FHOD3: variants seen among roughly 807,000 people sequenced by gnomAD.
FHOD3 encodes the protein FH1/FH2 domain-containing protein 3.
In FHOD3, 90 loss-of-function variants were observed where a neutral mutation model predicts 173.0. That is an observed-to-expected ratio of 0.52 (90% CI 0.44 to 0.62). The LOEUF (loss-of-function observed/expected upper bound fraction) is 0.62. Ranked by LOEUF, FHOD3 falls within the 20% of genes least tolerant of loss-of-function variation. The probability of loss-of-function intolerance (pLI) is 0.00; values close to 1 mark genes in which losing one functional copy is unlikely to be tolerated. For missense variants in FHOD3, 1,945 were observed against 2,034.7 expected (o/e 0.96, Z 0.85); for synonymous variants, 828 against 823.0 (o/e 1.01, Z -0.10).
At chr18:36,405,600 G>C (rs1451073833) in intron 3 of FHOD3, among the ~76,000 whole-genome samples, 1 of 152,102 alleles carries the variant, frequency 6.6e-6, no homozygotes, top group Non-Finnish European at 1.5e-5. Context: ...GGTGGAAATA[G>C]GATAACAACA....
chr18:36,712,869 G>T (rs930924241), intron 18 of FHOD3, among the ~76,000 whole-genome samples: 1 of 151,218 alleles, frequency 6.6e-6, no homozygotes, highest in African/African-American at 2.4e-5. Context: ...TTTTGTAAGA[G>T]GCTAGAAAGA....
chr18:36,497,329 A>G lies in FHOD3; in HGVS notation c.338-4603A>G, dbSNP rs1423822196. On this transcript the variant is annotated intron_variant, in intron 3 of 28. Coordinates refer to ENST00000590592, the MANE Select transcript of FHOD3 (RefSeq NM_001281740.3). The stretch of plus-strand genomic sequence containing the variant: ...CATTTGTAGAAGGATGCTGTTTATC[A>G]AAGAGTTTGAGATGGCGTCAGAACC... Among the ~76,000 whole-genome samples the G allele has an allele frequency of 2.6e-5, 4 of 152,226 alleles. No individual in the cohort carries two copies. In the East Asian group the frequency reaches 7.7e-4, roughly 29 times the overall value.
chr18:36,759,152 T>A lies in FHOD3; in HGVS notation c.4449+11T>A, dbSNP rs1161123753. On this transcript the variant is annotated intron_variant, in intron 26 of 28. Coordinates refer to ENST00000590592, the MANE Select transcript of FHOD3 (RefSeq NM_001281740.3). ...GAGGAGGAAGTTGAGGTATGACCAT[T>A]TATGAACATGAAGAATGCCACATTT... 10 of 1,535,654 alleles carry A rather than the reference T, an allele frequency of 6.5e-6. No individual in the cohort carries two copies. Among genetic ancestry groups the A allele is most frequent in the Non-Finnish European group, 8.7e-6 (10 of 1,146,644 alleles).
At chr18:36,774,137 A>G (rs2043520782) in intron 28 of FHOD3, among the ~76,000 whole-genome samples, 1 of 152,204 alleles carries the variant, frequency 6.6e-6, no homozygotes, top group Non-Finnish European at 1.5e-5. Context: ...CACCTCCAAC[A>G]TGACTCATAG....
intron 3 of FHOD3, among the ~76,000 whole-genome samples, chr18:36,453,860 A>T (rs1006999313): frequency 2.6e-5 from 4 of 152,120 alleles, no homozygotes; most frequent in Admixed American, 2.0e-4. Context: ...AAGAGATGGG[A>T]TTGGAAATGT....
In FHOD3 at chr18:36,311,130, G is replaced by A. The variant is rs73949422; in HGVS notation, c.165+13130G>A. On this transcript the variant is annotated intron_variant, in intron 1 of 28. Coordinates refer to ENST00000590592, the MANE Select transcript of FHOD3 (RefSeq NM_001281740.3). ...CAAAGAAGAAAGGAGATGGATGGAT[G>A]GGGAGTCACTGAAAGGCCACCTGTG... Among the ~76,000 whole-genome samples, 586 of 152,280 alleles carry A rather than the reference G, an allele frequency of 3.8e-3. 4 individuals are homozygous for A. Among genetic ancestry groups the A allele is most frequent in the African/African-American group, 0.014 (569 of 41,548 alleles).
intron 24 of FHOD3, among the ~76,000 whole-genome samples, 196 bp downstream of exon 24, chr18:36,747,331 A>C (rs1175133755): frequency 6.6e-6 from 1 of 152,212 alleles, no homozygotes; most frequent in African/African-American, 2.4e-5. Flanking sequence ...AATGCCATCA[A>C]ACCTCAAAGT....
At chr18:36,556,686 A>C (rs994503825) in intron 5 of FHOD3, among the ~76,000 whole-genome samples, 3 of 152,204 alleles carry the variant, frequency 2.0e-5, no homozygotes, top group Admixed American at 6.5e-5. Flanking sequence ...TTTCTGTTTA[A>C]GTAGCCAGCG....
At chr18:36,666,471 G>C (rs963623125) in intron 14 of FHOD3, among the ~76,000 whole-genome samples, 1 of 152,196 alleles carries the variant, frequency 6.6e-6, no homozygotes, top group Non-Finnish European at 1.5e-5. Flanking sequence ...CTCTTGTCCT[G>C]TATCATTAGA....
intron 5 of FHOD3, among the ~76,000 whole-genome samples, chr18:36,558,895 T>C (rs917973265): frequency 6.6e-6 from 1 of 152,226 alleles, no homozygotes; most frequent in Non-Finnish European, 1.5e-5. Context: ...GTGGTGTCAC[T>C]GCTGAGTTGC....
chr18:36,369,454 C>CAT (rs2047058567), intron 2 of FHOD3, among the ~76,000 whole-genome samples: 2 of 110,836 alleles, frequency 1.8e-5, no homozygotes, highest in African/African-American at 4.1e-5. Flanking sequence ...CACACACACA[C>CAT]ACACACACAC....
intron 6 of FHOD3, among the ~76,000 whole-genome samples, chr18:36,589,733 C>T (rs981836500): frequency 2.0e-5 from 3 of 152,202 alleles, no homozygotes; most frequent in Admixed American, 2.0e-4. Context: ...TACTCCCTCT[C>T]CACCAGCTTG....
intron 3 of FHOD3, among the ~76,000 whole-genome samples, chr18:36,373,083 C>T (rs1464567075): frequency 6.6e-6 from 1 of 152,128 alleles, no homozygotes; most frequent in Non-Finnish European, 1.5e-5. Context: ...CTCTGTGAGG[C>T]ATGCCTGTGG....
intron 28 of FHOD3, among the ~76,000 whole-genome samples, chr18:36,777,244 C>CCAG (rs558138440): frequency 2.3e-4 from 35 of 149,414 alleles, no homozygotes; most frequent in African/African-American, 7.9e-4. Context: ...GCTCTGTCAC[C>CCAG]CAGGCTGGAG....
chr18:36,611,275 C>T (rs2032644678), intron 8 of FHOD3, among the ~76,000 whole-genome samples: 1 of 152,206 alleles, frequency 6.6e-6, no homozygotes, highest in Admixed American at 6.5e-5. Flanking sequence ...CAAATTACTG[C>T]AAACTTAGCA....
At chr18:36,642,309 C>T (rs1600042219) in intron 10 of FHOD3, among the ~76,000 whole-genome samples, 1 of 152,072 alleles carries the variant, frequency 6.6e-6, no homozygotes, top group African/African-American at 2.4e-5. Flanking sequence ...AAAATTGTTT[C>T]GTTACATATT....
intron 3 of FHOD3, among the ~76,000 whole-genome samples, chr18:36,382,087 A>T (rs886153303): frequency 4.3e-4 from 65 of 152,092 alleles, no homozygotes; most frequent in Admixed American, 2.0e-4. Context: ...GTTGGAGGTG[A>T]GATGGTGGTG....
At position 36,764,631 on chromosome 18, in the gene FHOD3, C is replaced by T. The variant is rs945245165; in HGVS notation, c.4624+3849C>T. On this transcript the variant is annotated intron_variant, in intron 27 of 28. Transcript: ENST00000590592. ...ACCAATTTTAAAGGAAAAGAAACAT[C>T]TATTCCTGACCAGAAAGGATAGCGA... Among the ~76,000 whole-genome samples, 3 of 152,250 alleles carry T rather than the reference C, an allele frequency of 2.0e-5. No homozygotes were observed. The South Asian group carries it at 6.2e-4, about 32-fold the overall frequency.
chr18:36,627,052 C>G (rs1434087748), intron 10 of FHOD3, among the ~76,000 whole-genome samples: 1 of 152,160 alleles, frequency 6.6e-6, no homozygotes, highest in Non-Finnish European at 1.5e-5. Context: ...CTGTGTACAG[C>G]TCTATTTTAG....
Sources: allele counts gnomAD v4.1 joint callset (sites outside exome capture counted in the v4.1 genomes callset), GRCh38; gene constraint gnomAD v4.1.1; transcripts MANE v1.5; gene names NCBI Gene and HGNC (gene_info 2026-07-23, HGNC 2026-07-21).